ITPR2: variants seen among roughly 807,000 people sequenced by gnomAD.
ITPR2 encodes the protein inositol 1,4,5-trisphosphate receptor type 2, also known as inositol 1,4,5-trisphosphate-gated calcium channel ITPR2.
In ITPR2, 207 loss-of-function variants were observed where a neutral mutation model predicts 317.1. That is an observed-to-expected ratio of 0.65 (90% CI 0.58 to 0.73). ITPR2 has a LOEUF of 0.73. ITPR2 is among the 30% of genes least tolerant of loss of function. The pLI, the probability that ITPR2 is intolerant of heterozygous loss-of-function variation, is 0.00. For synonymous variants in ITPR2, 1,156 were observed against 1,149.1 expected, an observed-to-expected ratio of 1.01 and a Z score of -0.12; for missense variants, 2,613 against 3,284.0, an observed-to-expected ratio of 0.80 and a Z score of 4.99.
chr12:26,720,477 G>A (rs1201457776), intron 5 of ITPR2, among the ~76,000 whole-genome samples: 2 of 152,054 alleles, frequency 1.3e-5, no homozygotes, highest in Non-Finnish European at 2.9e-5. Flanking sequence ...TTATATTTTA[G>A]AAATACGCTA....
chr12:26,353,283 G>A (rs1938539859), intron 55 of ITPR2, among the ~76,000 whole-genome samples: 1 of 152,130 alleles, frequency 6.6e-6, no homozygotes, highest in Non-Finnish European at 1.5e-5. Context: ...CAAAGTCCTC[G>A]ATCATGATAA....
intron 37 of ITPR2, among the ~76,000 whole-genome samples, chr12:26,533,547 T>C (rs1944001878): frequency 6.6e-6 from 1 of 152,202 alleles, no homozygotes; most frequent in African/African-American, 2.4e-5. Context: ...TGCAACACCT[T>C]AGAATATAAC....
chr12:26,440,954 C>T (rs1247749240), intron 46 of ITPR2, among the ~76,000 whole-genome samples: 3 of 152,036 alleles, frequency 2.0e-5, no homozygotes, highest in African/African-American at 7.2e-5. Context: ...TTTTTCAATA[C>T]GTTTATTCAA....
Position 26,782,351 on chromosome 12 carries a change from G to A in ITPR2, c.163+7806C>T, listed in dbSNP as rs143948086. Among the ~76,000 whole-genome samples the A allele has an allele frequency of 5.9e-3, 876 of 148,252 alleles. 5 individuals are homozygous for A. The highest frequency in any genetic ancestry group is 6.9e-3 in the Non-Finnish European group (459 of 66,988). On this transcript the variant is annotated intron_variant, in intron 2 of 56. Transcript: ENST00000381340. ...CAAACAAAGTAGTATAATGAAGACA[G>A]AAAAATCCCTAAAGAATTTGTACCT...
intron 2 of ITPR2, among the ~76,000 whole-genome samples, chr12:26,753,717 T>C (rs1413862766): frequency 1.3e-5 from 2 of 152,254 alleles, no homozygotes; most frequent in Non-Finnish European, 2.9e-5. Flanking sequence ...CTGCTTTGCA[T>C]GTCTTTCTGT....
At chr12:26,410,359 T>C (rs1310269901) in intron 52 of ITPR2, among the ~76,000 whole-genome samples, 1 of 152,176 alleles carries the variant, frequency 6.6e-6, no homozygotes, top group Non-Finnish European at 1.5e-5. Flanking sequence ...CTTAATTCTC[T>C]CTTTAGGTCA....
intron 1 of ITPR2, among the ~76,000 whole-genome samples, chr12:26,820,275 A>G (rs1273834116): frequency 6.6e-6 from 1 of 152,174 alleles, no homozygotes; most frequent in East Asian, 1.9e-4. Flanking sequence ...AAGAAATATG[A>G]GACATTATAT....
chr12:26,818,709 T>TA (rs1442307333), intron 1 of ITPR2, among the ~76,000 whole-genome samples: 1 of 152,136 alleles, frequency 6.6e-6, no homozygotes. Flanking sequence ...TTTTTTTTTT[T>TA]ACCTTCCCTA....
chr12:26,678,332 T>A (rs1485395018), intron 13 of ITPR2, among the ~76,000 whole-genome samples: 2 of 151,984 alleles, frequency 1.3e-5, no homozygotes, highest in African/African-American at 4.8e-5. Flanking sequence ...AAATATCTAA[T>A]GTTGAGGGTC....
chr12:26,559,248 G>A lies in ITPR2; in HGVS notation c.4821+2514C>T, dbSNP rs183189972. On this transcript the variant is annotated intron_variant, in intron 35 of 56. Coordinates refer to ENST00000381340, the MANE Select transcript of ITPR2 (RefSeq NM_002223.4). ...CTCCTCTGCTGAAAATCTTCAATGA[G>A]TTGTCATCACACATAGAATACAATT... Among the ~76,000 whole-genome samples, 14 of 152,312 alleles carry A rather than the reference G, an allele frequency of 9.2e-5. No homozygotes were observed. The East Asian group carries it at 2.3e-3, about 25-fold the overall frequency.
intron 55 of ITPR2, among the ~76,000 whole-genome samples, chr12:26,379,906 T>G (rs568840771): frequency 6.6e-6 from 1 of 152,346 alleles, no homozygotes; most frequent in East Asian, 1.9e-4. Context: ...CCTTAAACAC[T>G]GATTAGAAAA....
At chr12:26,520,153 T>G (rs78372876) in intron 37 of ITPR2, among the ~76,000 whole-genome samples, 1 of 152,314 alleles carries the variant, frequency 6.6e-6, no homozygotes, top group South Asian at 2.1e-4. Context: ...TCTTAAGGTT[T>G]TCAGAGAAAC....
At chr12:26,496,674 A>G (rs1041754902) in intron 37 of ITPR2, among the ~76,000 whole-genome samples, 6 of 152,088 alleles carry the variant, frequency 3.9e-5, no homozygotes, top group African/African-American at 1.2e-4. Flanking sequence ...TAAGAAGATC[A>G]CACCCATTCT....
intron 10 of ITPR2, among the ~76,000 whole-genome samples, chr12:26,692,904 A>G (rs1319197565): frequency 1.3e-5 from 2 of 152,222 alleles, no homozygotes; most frequent in African/African-American, 4.8e-5. Context: ...TCTGAGGTGA[A>G]ACAGTATTCT....
chr12:26,615,639 G>A (rs1350954237), intron 26 of ITPR2, among the ~76,000 whole-genome samples: 1 of 152,112 alleles, frequency 6.6e-6, no homozygotes, highest in East Asian at 1.9e-4. Flanking sequence ...CAGAAGACAT[G>A]GGATAAAATA....
chr12:26,556,566 T>TGTGTGTGTGTGTG (rs1555155169), intron 35 of ITPR2, among the ~76,000 whole-genome samples, 191 bp from the exon 36 acceptor site: 8 of 136,272 alleles, frequency 5.9e-5, no homozygotes, highest in African/African-American at 1.7e-4. Flanking sequence ...ATTTTTTTTT[T>TGTGTGTGTGTGTG]TGTGTGTGTG....
chr12:26,376,206 T>C (rs973390900), intron 55 of ITPR2, among the ~76,000 whole-genome samples: 1 of 152,238 alleles, frequency 6.6e-6, no homozygotes, highest in Admixed American at 6.5e-5. Flanking sequence ...AATTCTTAAT[T>C]TCTAACTTAC....
At chr12:26,617,728 G>GGAGAGAAGGAAGGAGGGAAGGAGGA (rs1420689374) in intron 26 of ITPR2, among the ~76,000 whole-genome samples, 23 of 109,392 alleles carry the variant, frequency 2.1e-4, no homozygotes, top group South Asian at 1.2e-3. Context: ...AGGAGGAAGG[G>GGAGAGAAGGAAGGAGGGAAGGAGGA]AGGGAGGGAG....
In ITPR2 at chr12:26,621,216, T is replaced by C. The variant is rs61754418; in HGVS notation, c.3369A>G (p.Val1123=). The change falls in exon 26 of 57, where the codon GTA becomes GTG. Residue 1123 remains valine (V), a synonymous_variant. Coordinates refer to ENST00000381340, the MANE Select transcript of ITPR2 (RefSeq NM_002223.4). ...KADLDQLRLT[V]EKSELWVEKS... ...TCTCCACCCATAGCTCAGACTTTTC[T>C]ACTGTCAGTCGAAGCTGGTCTAGAT... 0.014 allele frequency: 23,130 copies of C among 1,613,598 alleles called. 263 individuals carry two copies. Among genetic ancestry groups the C allele is most frequent in the South Asian group, 0.034 (3,116 of 91,028 alleles).
Sources: allele counts gnomAD v4.1 joint callset (sites outside exome capture counted in the v4.1 genomes callset), GRCh38; gene constraint gnomAD v4.1.1; transcripts MANE v1.5; gene names NCBI Gene and HGNC (gene_info 2026-07-23, HGNC 2026-07-21).